Variants in VRK3 observed in about 807,000 individuals in gnomAD.
VRK3 encodes the protein serine/threonine-protein kinase VRK3.
VRK3 carries 50 observed loss-of-function variants against 60.4 expected under a neutral mutation model. The ratio of observed to expected loss-of-function variants is 0.83; its 90% confidence interval spans 0.66 to 1.05. The LOEUF (loss-of-function observed/expected upper bound fraction) is 1.05, where lower values mean the gene tolerates loss of function less well. Ranked by LOEUF, VRK3 falls within the 50% of genes least tolerant of loss-of-function variation. VRK3 has a pLI of 0.00. For synonymous variants in VRK3, 246 were observed against 227.8 expected, an observed-to-expected ratio of 1.08 and a Z score of -0.72; for missense variants, 549 against 585.3, an observed-to-expected ratio of 0.94 and a Z score of 0.64.
At chr19:50,015,145 C>T (rs907916669) in intron 3 of VRK3, among the ~76,000 whole-genome samples, 2 of 151,974 alleles carry the variant, frequency 1.3e-5, no homozygotes, top group Non-Finnish European at 2.9e-5. Flanking sequence ...GGCAGGAACA[C>T]CAGGAGCTCA....
chr19:50,014,750 C>T (rs1027356642), intron 3 of VRK3, among the ~76,000 whole-genome samples: 5 of 151,848 alleles, frequency 3.3e-5, no homozygotes, highest in East Asian at 3.9e-4. Context: ...GCAGGAGGGT[C>T]GGGAGGTGGG....
chr19:50,012,251 C>T (rs527818001), intron 3 of VRK3, among the ~76,000 whole-genome samples: 14 of 152,148 alleles, frequency 9.2e-5, no homozygotes, highest in Admixed American at 2.0e-4. Flanking sequence ...GGATTACATG[C>T]GTGAGCCACT....
At chr19:50,002,669 C>G (rs1273636577) in intron 5 of VRK3, among the ~76,000 whole-genome samples, 1 of 152,186 alleles carries the variant, frequency 6.6e-6, no homozygotes, top group African/African-American at 2.4e-5. Flanking sequence ...GCCTGGAAAG[C>G]TAGCTGGGCA....
At chr19:49,989,586 C>T in intron 11 of VRK3, 53 bp downstream of exon 11, 1 of 1,562,294 alleles carries the variant, frequency 6.4e-7, no homozygotes, top group Non-Finnish European at 8.7e-7. Flanking sequence ...CTAGAGCTGC[C>T]CTTGTATAAG....
chr19:50,009,448 A>C, intron 3 of VRK3, 63 bp from the exon 4 acceptor site: 1 of 1,590,204 alleles, frequency 6.3e-7, no homozygotes, highest in African/African-American at 1.3e-5. Flanking sequence ...GCACCATTGG[A>C]CTGGGAGCCC....
intron 10 of VRK3, among the ~76,000 whole-genome samples, chr19:49,990,565 G>T (rs2076593270): frequency 6.6e-6 from 1 of 151,836 alleles, no homozygotes; most frequent in African/African-American, 2.4e-5. Flanking sequence ...TAAAGATGGG[G>T]TTTTGCCCTG....
chr19:49,979,319 AGGATGGAG>A, intron 13 of VRK3, 77 bp from the exon 14 acceptor site: 1 of 1,600,420 alleles, frequency 6.2e-7, no homozygotes, highest in Non-Finnish European at 8.5e-7. Context: ...TCTCCACCCA[AGGATGGAG>A]GGGTGGGGGA....
At chr19:49,976,842 C>A (rs139683756) in intron 14 of VRK3, 58 bp from the exon 15 acceptor site, 1 of 152,286 alleles carries the variant, frequency 6.6e-6, no homozygotes, top group African/African-American at 2.4e-5. Flanking sequence ...ACCCTCTATG[C>A]CTTCACTTCA....
intron 5 of VRK3, among the ~76,000 whole-genome samples, chr19:50,006,483 C>T (rs929807152): frequency 1.3e-5 from 2 of 150,870 alleles, no homozygotes; most frequent in African/African-American, 4.9e-5. Context: ...TCACGCCATT[C>T]TCCTGCCTCA....
chr19:49,995,045 G>T, intron 8 of VRK3, 126 bp from the exon 9 acceptor site: 1 of 1,265,548 alleles, frequency 7.9e-7, no homozygotes. Flanking sequence ...GGTTCTGACT[G>T]GCTGGGCAGC....
rs1315953023 is a variant in VRK3 at position 49,988,496 on chromosome 19, G to A, written c.1097-4C>T. 5.6e-6 allele frequency: 9 copies of A among 1,612,146 alleles called. No homozygotes were observed. The highest frequency in any genetic ancestry group is 1.3e-5 in the African/African-American group (1 of 74,882). On this transcript the variant is annotated splice_region_variant and splice_polypyrimidine_tract_variant and intron_variant, in intron 11 of 14. Transcript: ENST00000316763. ...AGGTCGCTGCGGCGGGAGGGCCCTG[G>A]GGAAGGAGGAGTAAAGGTGGCAGCT...
At chr19:49,984,344 C>G (rs2076476659) in intron 12 of VRK3, among the ~76,000 whole-genome samples, 1 of 152,148 alleles carries the variant, frequency 6.6e-6, no homozygotes, top group Admixed American at 6.5e-5. Context: ...GGAATCTTGC[C>G]TCCCCCTTGC....
At chr19:50,001,280 GC>G (rs1181494064) in intron 5 of VRK3, 1 of 170,346 alleles carries the variant, frequency 5.9e-6, no homozygotes, top group Admixed American at 5.7e-5. Context: ...CCCAATAACA[GC>G]CCCGAGCACT....
rs8102549 is a variant in VRK3 at position 50,011,860 on chromosome 19, T to C, written c.140-2475A>G. On this transcript the variant is annotated intron_variant, in intron 3 of 14. Transcript: ENST00000316763. ...GTGGTCCTGCCTGTCTTCCCCCAGGTGGAAATGTTCCTCACTCCTCCAGTG... is the reference window on the plus strand; with the variant it reads ...GTGGTCCTGCCTGTCTTCCCCCAGGCGGAAATGTTCCTCACTCCTCCAGTG... Among the ~76,000 whole-genome samples, 628 of 89,542 alleles carry C rather than the reference T, an allele frequency of 7.0e-3. 16 individuals are homozygous for C. Among genetic ancestry groups the C allele is most frequent in the East Asian group, 0.015 (34 of 2,236 alleles). The allele number at this position is 89,542 out of a possible 152,430, so 58.7% of individuals were successfully genotyped here.
At chr19:49,987,246 G>A (rs2076531487) in intron 12 of VRK3, among the ~76,000 whole-genome samples, 1 of 152,184 alleles carries the variant, frequency 6.6e-6, no homozygotes, top group Non-Finnish European at 1.5e-5. Flanking sequence ...TGTCCTTGGT[G>A]CTGAACTCAT....
chr19:50,020,222 G>A (rs1156902804), intron 2 of VRK3, among the ~76,000 whole-genome samples: 4 of 152,110 alleles, frequency 2.6e-5, no homozygotes, highest in Admixed American at 6.6e-5. Context: ...TATATTTTTA[G>A]TAGAGATGGG....
Position 50,000,953 on chromosome 19 carries a change from T to C in VRK3, c.548-99A>G, listed in dbSNP as rs949854338. The C allele has an allele frequency of 1.1e-5, 13 of 1,185,672 alleles. No individual in the cohort carries two copies. In the Admixed American group the frequency reaches 1.2e-4, roughly 11 times the overall value. The allele number at this position is 1,185,672 out of a possible 1,614,324, so 73.4% of individuals were successfully genotyped here. Reference sequence around the variant, plus strand: ...GCAATGAGAAGCGGCTCTGGTGCCCTGGTTCCAACAAGGTCAAGCGCACTC... The same window carrying C: ...GCAATGAGAAGCGGCTCTGGTGCCCCGGTTCCAACAAGGTCAAGCGCACTC... On this transcript the variant is annotated intron_variant, in intron 5 of 14. Coordinates refer to ENST00000316763, the MANE Select transcript of VRK3 (RefSeq NM_016440.4).
intron 12 of VRK3, 70 bp from the exon 13 acceptor site, chr19:49,981,083 T>TAAGATA: frequency 8.6e-7 from 1 of 1,166,352 alleles, no homozygotes; most frequent in South Asian, 1.8e-5. Context: ...ACAGAATGCC[T>TAAGATA]AAGATATATA....
intron 2 of VRK3, among the ~76,000 whole-genome samples, chr19:50,016,577 T>C (rs1047894653): frequency 1.3e-5 from 2 of 152,214 alleles, no homozygotes; most frequent in African/African-American, 4.8e-5. Context: ...TGGAACCTCA[T>C]GATCAACAAA....
Sources: gnomAD v4.1 joint callset for allele counts (sites outside exome capture counted in the v4.1 genomes callset) on GRCh38, gnomAD v4.1.1 for gene constraint, MANE v1.5 for transcripts, NCBI Gene and HGNC (gene_info 2026-07-23, HGNC 2026-07-21) for gene names.